Variants in NEDD4L observed in about 807,000 individuals in gnomAD.
NEDD4L encodes E3 ubiquitin-protein ligase NEDD4-like.
A neutral mutation model predicts 148.9 loss-of-function variants in NEDD4L; 54 were observed. The observed-to-expected ratio is 0.36, with a 90% CI of 0.29 to 0.45. The LOEUF (loss-of-function observed/expected upper bound fraction) is 0.45, where lower values mean the gene tolerates loss of function less well. Among genes scored for constraint, NEDD4L ranks in the 20% least tolerant of loss-of-function variants. NEDD4L has a pLI of 1.00. For synonymous variants in NEDD4L, 433 were observed against 440.7 expected (o/e 0.98, Z 0.22); for missense variants, 856 against 1,233.8 (o/e 0.69, Z 4.59).
chr18:58,334,497 C>G (rs554016970), intron 12 of NEDD4L, among the ~76,000 whole-genome samples: 2 of 152,322 alleles, frequency 1.3e-5, no homozygotes, highest in East Asian at 3.9e-4. Context: ...CAGACTAGAA[C>G]TGCCCTGAGA....
intron 5 of NEDD4L, among the ~76,000 whole-genome samples, chr18:58,282,669 A>T (rs932870968): frequency 3.3e-5 from 5 of 152,214 alleles, no homozygotes; most frequent in African/African-American, 4.8e-5. Context: ...TAGGCAGGGT[A>T]AATTAGCGGT....
intron 18 of NEDD4L, among the ~76,000 whole-genome samples, chr18:58,355,449 A>G (rs901797155): frequency 6.6e-6 from 1 of 152,230 alleles, no homozygotes; most frequent in Non-Finnish European, 1.5e-5. Context: ...GATGTCCAGG[A>G]TGGAGCTTGA....
intron 2 of NEDD4L, among the ~76,000 whole-genome samples, chr18:58,185,079 T>C (rs2039316377): frequency 6.6e-6 from 1 of 152,226 alleles, no homozygotes; most frequent in Non-Finnish European, 1.5e-5. Flanking sequence ...TCATGGTCCT[T>C]GCTCTCAAGG....
intron 1 of NEDD4L, among the ~76,000 whole-genome samples, chr18:58,157,135 C>T (rs1379954748): frequency 6.6e-6 from 1 of 150,438 alleles, no homozygotes; most frequent in African/African-American, 2.5e-5. Flanking sequence ...CTGCAGTGAG[C>T]CTTAATCACT....
At chr18:58,161,274 ACC>A (rs1317222295) in intron 1 of NEDD4L, among the ~76,000 whole-genome samples, 1 of 151,910 alleles carries the variant, frequency 6.6e-6, no homozygotes, top group Non-Finnish European at 1.5e-5. Context: ...CAAGTGATCC[ACC>A]CATCTTGGCC....
At chr18:58,234,652 T>A (rs1012450968) in intron 2 of NEDD4L, among the ~76,000 whole-genome samples, 2 of 152,156 alleles carry the variant, frequency 1.3e-5, no homozygotes, top group Admixed American at 1.3e-4. Context: ...TTGAACTTGA[T>A]TACCTCTGTG....
intron 2 of NEDD4L, among the ~76,000 whole-genome samples, chr18:58,219,928 G>A (rs1051093717): frequency 1.3e-5 from 2 of 152,176 alleles, no homozygotes; most frequent in African/African-American, 4.8e-5. Flanking sequence ...TTTTCTTATA[G>A]TGTATTGTGG....
chr18:58,336,951 T>G (rs2041856869), intron 13 of NEDD4L, among the ~76,000 whole-genome samples: 1 of 152,236 alleles, frequency 6.6e-6, no homozygotes, highest in African/African-American at 2.4e-5. Context: ...TCAGTGCTGA[T>G]GAACATCATC....
At chr18:58,329,658 A>ATT (rs1034872422) in intron 10 of NEDD4L, among the ~76,000 whole-genome samples, 29 of 135,548 alleles carry the variant, frequency 2.1e-4, no homozygotes, top group Non-Finnish European at 3.0e-4. Flanking sequence ...ACAATGGCTA[A>ATT]TTTTTTTTTT....
intron 13 of NEDD4L, among the ~76,000 whole-genome samples, chr18:58,336,538 CT>C (rs1485225369): frequency 6.6e-6 from 1 of 151,704 alleles, no homozygotes; most frequent in East Asian, 1.9e-4. Flanking sequence ...GATCGCACCA[CT>C]GCTCTCCACC....
chr18:58,236,721 C>G (rs565344694), intron 2 of NEDD4L, among the ~76,000 whole-genome samples: 1 of 152,242 alleles, frequency 6.6e-6, no homozygotes, highest in South Asian at 2.1e-4. Flanking sequence ...CGTTTCAGAT[C>G]ATCCTTAAAT....
chr18:58,044,781 G>T, intron 1 of NEDD4L, 73 bp downstream of exon 1: 1 of 1,556,832 alleles, frequency 6.4e-7, no homozygotes, highest in East Asian at 2.5e-5. Flanking sequence ...GGAGGGGAAA[G>T]GGGCCGTCCC....
chr18:58,356,845 T>G (rs2044736138), intron 18 of NEDD4L, among the ~76,000 whole-genome samples: 1 of 152,202 alleles, frequency 6.6e-6, no homozygotes, highest in Admixed American at 6.5e-5. Context: ...TTTTAAATGC[T>G]TTTTTTCAAC....
chr18:58,323,456 G>A (rs2059024497), intron 8 of NEDD4L, 122 bp downstream of exon 8: 1 of 625,294 alleles, frequency 1.6e-6, no homozygotes, highest in Admixed American at 2.8e-5. Flanking sequence ...AAGTACATAT[G>A]TCCGCAAATT....
rs2048899510 is a variant in NEDD4L, at chr18:58,385,537, A to G, written c.2438A>G (p.Gln813Arg). 1 of 1,613,562 alleles carries G rather than the reference A, an allele frequency of 6.2e-7. No homozygotes were observed. ...CTTTTCTCCTGCAGCTTAGTCATCCAGTGGAGATTTGTGAACAGGGTCCAG... is the reference window on the plus strand; with the variant it reads ...CTTTTCTCCTGCAGCTTAGTCATCCGGTGGAGATTTGTGAACAGGGTCCAG... ...NKREYIDLVI[Q>R]WRFVNRVQKQ... The change falls in exon 26 of 31, where the codon CAG becomes CGG. Residue 813 changes from glutamine (Q) to arginine (R), a missense_variant. By Grantham distance (43) the Gln-to-Arg change is conservative. Coordinates refer to ENST00000400345, the MANE Select transcript of NEDD4L (RefSeq NM_001144967.3).
chr18:58,293,244 T>C (rs2055032374), intron 5 of NEDD4L, among the ~76,000 whole-genome samples: 1 of 152,234 alleles, frequency 6.6e-6, no homozygotes, highest in Non-Finnish European at 1.5e-5. Context: ...GGGGGATAAT[T>C]GTATCCATGG....
At chr18:58,197,481 A>G (rs1346521026) in intron 2 of NEDD4L, among the ~76,000 whole-genome samples, 1 of 152,022 alleles carries the variant, frequency 6.6e-6, no homozygotes, top group African/African-American at 2.4e-5. Context: ...TCCTGAAACT[A>G]CCCACACCTG....
At chr18:58,255,381 G>GT in intron 5 of NEDD4L, 1 of 513,510 alleles carries the variant, frequency 1.9e-6, no homozygotes, top group Non-Finnish European at 2.9e-6. Context: ...ATTGGAGGGG[G>GT]AGAGCGCGGT....
At chr18:58,226,080 T>C (rs556932817) in intron 2 of NEDD4L, among the ~76,000 whole-genome samples, 2 of 152,284 alleles carry the variant, frequency 1.3e-5, no homozygotes, top group African/African-American at 4.8e-5. Context: ...TAAACTCTTA[T>C]GTATAGAAGG....
Sources: allele counts gnomAD v4.1 joint callset (sites outside exome capture counted in the v4.1 genomes callset), GRCh38; gene constraint gnomAD v4.1.1; transcripts MANE v1.5; gene names NCBI Gene and HGNC (gene_info 2026-07-23, HGNC 2026-07-21).